The following FHIP1A variants were observed in gnomAD, a reference collection of about 807,000 sequenced individuals.
FHIP1A encodes the protein FHF complex subunit HOOK interacting protein 1A.
In FHIP1A, 61 loss-of-function variants were observed where a neutral mutation model predicts 88.6. That is an observed-to-expected ratio of 0.69 (90% CI 0.56 to 0.85). FHIP1A has a LOEUF of 0.85. FHIP1A is among the 40% of genes least tolerant of loss of function. The pLI is 0.00. For synonymous variants in FHIP1A, 478 were observed against 496.0 expected, an observed-to-expected ratio of 0.96 and a Z score of 0.48; for missense variants, 1,154 against 1,273.5, an observed-to-expected ratio of 0.91 and a Z score of 1.43.
At chr4:151,533,063 C>T (rs969919883) in intron 3 of FHIP1A, 2 of 152,134 alleles carry the variant, frequency 1.3e-5, no homozygotes, top group Non-Finnish European at 2.9e-5. Context: ...GTGCAACACT[C>T]GACTGTCAGA....
chr4:151,492,893 C>T (rs1176554359), intron 3 of FHIP1A, among the ~76,000 whole-genome samples: 1 of 151,922 alleles, frequency 6.6e-6, no homozygotes, highest in Admixed American at 6.6e-5. Flanking sequence ...TGAAAGAGCA[C>T]AAATAGATAA....
chr4:151,458,926 C>G (rs1186157825), intron 2 of FHIP1A, among the ~76,000 whole-genome samples: 6 of 151,494 alleles, frequency 4.0e-5, no homozygotes, highest in Admixed American at 6.6e-5. Flanking sequence ...CTCACAAACT[C>G]TTGGTTATTG....
intron 2 of FHIP1A, among the ~76,000 whole-genome samples, chr4:151,471,235 T>C (rs1729498334): frequency 6.6e-6 from 1 of 151,060 alleles, no homozygotes. Context: ...AGCAGTTCTC[T>C]AGATTTCCTC....
At chr4:151,463,085 C>T (rs577256815) in intron 2 of FHIP1A, among the ~76,000 whole-genome samples, 3 of 152,274 alleles carry the variant, frequency 2.0e-5, no homozygotes, top group Non-Finnish European at 4.4e-5. Flanking sequence ...GTGTGTTATT[C>T]ATCATTGCCA....
chr4:151,612,514 G>C (rs1735362358), intron 7 of FHIP1A, among the ~76,000 whole-genome samples: 1 of 152,164 alleles, frequency 6.6e-6, no homozygotes. Context: ...CCAAGTAGCT[G>C]AGATTACAAG....
chr4:151,444,301 G>T (rs1728514467), intron 1 of FHIP1A, among the ~76,000 whole-genome samples: 1 of 152,046 alleles, frequency 6.6e-6, no homozygotes, highest in South Asian at 2.1e-4. Context: ...AGCCACATCA[G>T]GTTGTTCTTT....
chr4:151,634,145 G>A (rs1736259247), intron 8 of FHIP1A, among the ~76,000 whole-genome samples: 1 of 151,544 alleles, frequency 6.6e-6, no homozygotes. Context: ...ATTCGAAAAG[G>A]AAATTTTAAA....
chr4:151,552,598 T>C (rs1732782712), intron 3 of FHIP1A, among the ~76,000 whole-genome samples: 1 of 152,010 alleles, frequency 6.6e-6, no homozygotes, highest in Non-Finnish European at 1.5e-5. Context: ...ATACCGCATT[T>C]CTCACTCATA....
chr4:151,578,888 A>G (rs1733919957), intron 5 of FHIP1A, among the ~76,000 whole-genome samples: 1 of 152,234 alleles, frequency 6.6e-6, no homozygotes, highest in Non-Finnish European at 1.5e-5. Flanking sequence ...AAGTGGGGAT[A>G]TATGCAGATA....
At position 151,640,217 on chromosome 4, in the gene FHIP1A, G is replaced by T. The variant is rs935985448; in HGVS notation, c.1226+1461G>T. On this transcript the variant is annotated intron_variant, in intron 9 of 13. Coordinates refer to ENST00000435205, the MANE Select transcript of FHIP1A (RefSeq NM_001109977.3). ...CACTTTGAGGAGTGATGCCGTGCAGGCATAACATCTTGCAAAAGAGAGTGA... is the reference window on the plus strand; with the variant it reads ...CACTTTGAGGAGTGATGCCGTGCAGTCATAACATCTTGCAAAAGAGAGTGA... Among the ~76,000 whole-genome samples, 8 of 152,306 alleles carry T rather than the reference G, an allele frequency of 5.3e-5. No homozygotes were observed. The East Asian group carries it at 1.3e-3, about 26-fold the overall frequency.
At chr4:151,601,948 A>C (rs1415324439) in intron 7 of FHIP1A, among the ~76,000 whole-genome samples, 2 of 152,022 alleles carry the variant, frequency 1.3e-5, no homozygotes, top group Non-Finnish European at 2.9e-5. Flanking sequence ...TACATCTTAC[A>C]TGGATGGCGG....
chr4:151,623,010 A>G (rs1735805905), intron 7 of FHIP1A, among the ~76,000 whole-genome samples: 1 of 152,206 alleles, frequency 6.6e-6, no homozygotes, highest in Non-Finnish European at 1.5e-5. Context: ...AGACGTAGCC[A>G]TTTGCTGAAT....
chr4:151,510,204 A>G (rs1730979408), intron 3 of FHIP1A, among the ~76,000 whole-genome samples: 3 of 151,970 alleles, frequency 2.0e-5, no homozygotes, highest in South Asian at 4.2e-4. Flanking sequence ...TCCTGGGTTC[A>G]GGTGATCCTT....
intron 1 of FHIP1A, among the ~76,000 whole-genome samples, chr4:151,445,435 A>G (rs2724579): frequency 0.37 from 55,370 of 151,470 alleles, 10,559 homozygotes; most frequent in Non-Finnish European, 0.43. Context: ...TGGTGATTGA[A>G]CTCTATTTGT....
At chr4:151,660,544 T>C (rs1188928716) in intron 13 of FHIP1A, among the ~76,000 whole-genome samples, 3 of 152,240 alleles carry the variant, frequency 2.0e-5, no homozygotes, top group African/African-American at 7.2e-5. Context: ...GTTTATTAGC[T>C]TCTGTGAATA....
chr4:151,512,406 C>T (rs561852988), intron 3 of FHIP1A, among the ~76,000 whole-genome samples: 39 of 152,350 alleles, frequency 2.6e-4, no homozygotes, highest in African/African-American at 9.1e-4. Flanking sequence ...GCTCCTCCTC[C>T]AAAGGAACAC....
At chr4:151,638,583 A>G in intron 8 of FHIP1A, 94 bp from the exon 9 acceptor site, 2 of 680,364 alleles carry the variant, frequency 2.9e-6, no homozygotes, top group Non-Finnish European at 4.8e-6. Flanking sequence ...AAAAAAGGCC[A>G]TTATATTTTG....
At chr4:151,616,599 C>A (rs944096627) in intron 7 of FHIP1A, among the ~76,000 whole-genome samples, 1 of 151,890 alleles carries the variant, frequency 6.6e-6, no homozygotes, top group Non-Finnish European at 1.5e-5. Flanking sequence ...CAGGTGCCCG[C>A]CACCACACCT....
In FHIP1A at chr4:151,649,578, C is replaced by T. The variant is rs548449268; in HGVS notation, c.1537C>T (p.Arg513Cys). The change falls in exon 11 of 14, where the codon CGC (arginine) becomes TGC (cysteine). Residue 513 changes from arginine to cysteine, a missense_variant. By Grantham distance (180) the Arg-to-Cys change is radical. Transcript: ENST00000435205. ...GTGGGAGGCCCACACCAACATCCTC[C>T]GCTGCATGAGGGACTGCCGTGTCTG... ...YLWEAHTNIL[R>C]CMRDCRVWSA... 561 of 1,551,706 alleles carry T rather than the reference C, an allele frequency of 3.6e-4. 7 individuals are homozygous for T. The South Asian group carries it at 5.1e-3, about 14-fold the overall frequency.
Sources: allele counts gnomAD v4.1 joint callset (sites outside exome capture counted in the v4.1 genomes callset), GRCh38; gene constraint gnomAD v4.1.1; transcripts MANE v1.5; gene names NCBI Gene and HGNC (gene_info 2026-07-23, HGNC 2026-07-21).